The following XKR4 variants were observed in gnomAD, a reference collection of about 807,000 sequenced individuals.
XKR4 encodes XK-related protein 4.
In XKR4, 12 loss-of-function variants were observed where a neutral mutation model predicts 53.9. That is an observed-to-expected ratio of 0.22 (90% CI 0.14 to 0.36). The LOEUF is 0.36. Ranked by LOEUF, XKR4 falls within the 10% of genes least tolerant of loss-of-function variation. The probability of loss-of-function intolerance (pLI) is 1.00; values close to 1 mark genes in which losing one functional copy is unlikely to be tolerated. For synonymous variants in XKR4, 354 were observed against 362.4 expected (o/e 0.98, Z 0.26); for missense variants, 799 against 859.5 (o/e 0.93, Z 0.88).
At chr8:55,404,743 T>C (rs1053390123) in intron 2 of XKR4, among the ~76,000 whole-genome samples, 1 of 152,228 alleles carries the variant, frequency 6.6e-6, no homozygotes, top group Non-Finnish European at 1.5e-5. Flanking sequence ...TTGCTGCTTG[T>C]CTTGCTGGCT....
intron 1 of XKR4, among the ~76,000 whole-genome samples, chr8:55,219,618 C>T (rs1817853535): frequency 6.6e-6 from 1 of 152,128 alleles, no homozygotes; most frequent in African/African-American, 2.4e-5. Flanking sequence ...CAGAAATGGA[C>T]CTCAAGTCTT....
chr8:55,289,464 G>A (rs1483064375), intron 1 of XKR4, among the ~76,000 whole-genome samples: 1 of 149,302 alleles, frequency 6.7e-6, no homozygotes, highest in African/African-American at 2.5e-5. Flanking sequence ...GCAGTGAGCC[G>A]AGATAGTGCC....
intron 2 of XKR4, chr8:55,454,924 G>A (rs1805535117): frequency 5.1e-6 from 4 of 780,322 alleles, no homozygotes; most frequent in Non-Finnish European, 9.4e-6. Context: ...AGTGGCGCCC[G>A]GAGTTGATGT....
At chr8:55,283,795 G>A (rs1818871592) in intron 1 of XKR4, among the ~76,000 whole-genome samples, 1 of 152,222 alleles carries the variant, frequency 6.6e-6, no homozygotes, top group Non-Finnish European at 1.5e-5. Flanking sequence ...GGAAGCCTGT[G>A]AATAACTCAC....
chr8:55,313,249 G>C (rs1426254254), intron 1 of XKR4, among the ~76,000 whole-genome samples: 1 of 152,166 alleles, frequency 6.6e-6, no homozygotes, highest in African/African-American at 2.4e-5. Context: ...TCATGAGTAG[G>C]AGGAATATTT....
intron 1 of XKR4, among the ~76,000 whole-genome samples, chr8:55,331,635 G>T (rs974122730): frequency 2.6e-5 from 4 of 152,020 alleles, no homozygotes; most frequent in Non-Finnish European, 4.4e-5. Context: ...GATGCTTGAG[G>T]CATATACGTT....
chr8:55,465,963 T>C (rs1393052599), intron 2 of XKR4, among the ~76,000 whole-genome samples: 7 of 151,924 alleles, frequency 4.6e-5, no homozygotes, highest in Admixed American at 2.0e-4. Flanking sequence ...GTTAGAATGG[T>C]GATCATTAAA....
intron 2 of XKR4, among the ~76,000 whole-genome samples, chr8:55,370,358 T>A (rs969563210): frequency 2.0e-5 from 3 of 152,226 alleles, no homozygotes; most frequent in African/African-American, 7.2e-5. Flanking sequence ...CCCATCTGAA[T>A]GTAAAGGGCA....
At chr8:55,293,792 A>G (rs1819063655) in intron 1 of XKR4, among the ~76,000 whole-genome samples, 1 of 152,208 alleles carries the variant, frequency 6.6e-6, no homozygotes, top group Non-Finnish European at 1.5e-5. Context: ...ATTTGAGCTT[A>G]CAATATTGAT....
chr8:55,274,980 G>T (rs772787881), intron 1 of XKR4, among the ~76,000 whole-genome samples: 3 of 152,044 alleles, frequency 2.0e-5, no homozygotes, highest in Admixed American at 6.6e-5. Context: ...ACTAATCTGG[G>T]ATTACATCTT....
chr8:55,304,687 T>C (rs1819264679), intron 1 of XKR4, among the ~76,000 whole-genome samples: 1 of 152,218 alleles, frequency 6.6e-6, no homozygotes, highest in Non-Finnish European at 1.5e-5. Flanking sequence ...GCTTCTGTAT[T>C]GGGTGCATAT....
intron 2 of XKR4, among the ~76,000 whole-genome samples, chr8:55,387,501 T>C (rs1022163493): frequency 1.3e-5 from 2 of 152,204 alleles, no homozygotes; most frequent in East Asian, 3.8e-4. Flanking sequence ...ACTACTTCCC[T>C]AGGGCTAGGG....
chr8:55,260,052 C>T lies in XKR4; in HGVS notation c.807-97626C>T, dbSNP rs146074722. ...CTATCTCACTTGCTGTCTATCTCCC[C>T]TACTAGGTGTACTTCATGAGGGCTT... On this transcript the variant is annotated intron_variant, in intron 1 of 2. Coordinates refer to ENST00000327381, the MANE Select transcript of XKR4 (RefSeq NM_052898.2). 5.0e-3 allele frequency among the ~76,000 whole-genome samples: 757 copies of T among 152,274 alleles called. 5 individuals carry two copies. Among genetic ancestry groups the T allele is most frequent in the African/African-American group, 0.017 (719 of 41,546 alleles).
intron 2 of XKR4, among the ~76,000 whole-genome samples, chr8:55,503,450 G>A (rs1205783430): frequency 6.6e-6 from 1 of 151,856 alleles, no homozygotes; most frequent in East Asian, 1.9e-4. Context: ...TATTATAAAT[G>A]AAATTTTTTC....
At chr8:55,365,464 GGAGGC>G (rs1563333523) in intron 2 of XKR4, among the ~76,000 whole-genome samples, 1 of 152,190 alleles carries the variant, frequency 6.6e-6, no homozygotes, top group Non-Finnish European at 1.5e-5. Flanking sequence ...CAGCACTTTG[GGAGGC>G]CAAGGCGGGC....
At chr8:55,487,988 G>C (rs1326596863) in intron 2 of XKR4, among the ~76,000 whole-genome samples, 1 of 152,120 alleles carries the variant, frequency 6.6e-6, no homozygotes. Flanking sequence ...TCCAACTCTG[G>C]AATTTTAATC....
chr8:55,437,519 C>CA (rs761519261), intron 2 of XKR4, among the ~76,000 whole-genome samples: 16 of 152,220 alleles, frequency 1.1e-4, no homozygotes, highest in Non-Finnish European at 2.2e-4. Flanking sequence ...CCTACATGGT[C>CA]AGTGTTAGAG....
rs200106772 is a variant in XKR4 at position 55,212,272 on chromosome 8, A to G, written c.806+108978A>G. ...CACTTAGTTAATTCTCTCCTGGATC[A>G]GGAAAAAGACATGGAAAATGAAGAA... On this transcript the variant is annotated intron_variant, in intron 1 of 2. Transcript: ENST00000327381. Among the ~76,000 whole-genome samples, 5 of 152,378 alleles carry G rather than the reference A, an allele frequency of 3.3e-5. No homozygotes were observed. In the East Asian group the frequency reaches 9.6e-4, roughly 29 times the overall value.
intron 1 of XKR4, among the ~76,000 whole-genome samples, chr8:55,107,852 ATG>A (rs1816171133): frequency 6.6e-6 from 1 of 152,178 alleles, no homozygotes; most frequent in East Asian, 1.9e-4. Flanking sequence ...TTCTGCATAT[ATG>A]TGTTTCCTCT....
Sources: gnomAD v4.1 joint callset for allele counts (sites outside exome capture counted in the v4.1 genomes callset) on GRCh38, gnomAD v4.1.1 for gene constraint, MANE v1.5 for transcripts, NCBI Gene and HGNC (gene_info 2026-07-23, HGNC 2026-07-21) for gene names.